RUNX2: variants seen among roughly 807,000 people sequenced by gnomAD.
RUNX2 encodes runt-related transcription factor 2.
Under a neutral mutation model 51.7 loss-of-function variants are expected in RUNX2, and 10 were observed. The ratio of observed to expected loss-of-function variants is 0.19; its 90% confidence interval spans 0.12 to 0.33. The LOEUF (loss-of-function observed/expected upper bound fraction) is 0.33. RUNX2 is among the 10% of genes least tolerant of loss of function. The pLI, the probability that RUNX2 is intolerant of heterozygous loss-of-function variation, is 1.00. For missense variants in RUNX2, 562 were observed against 691.3 expected (o/e 0.81, Z 2.10); for synonymous variants, 276 against 273.6 (o/e 1.01, Z -0.09).
intron 2 of RUNX2, among the ~76,000 whole-genome samples, chr6:45,375,976 G>A (rs1003554506): frequency 2.0e-5 from 3 of 152,012 alleles, no homozygotes; most frequent in African/African-American, 4.8e-5. Context: ...TTTTCAAATC[G>A]CTTTATTACA....
At chr6:45,545,875 T>C (rs1802384337) in intron 8 of RUNX2, among the ~76,000 whole-genome samples, 1 of 152,188 alleles carries the variant, frequency 6.6e-6, no homozygotes, top group South Asian at 2.1e-4. Context: ...CAGAAACATC[T>C]ATTAAGGAGG....
chr6:45,440,042 C>T (rs1011787395), intron 5 of RUNX2, among the ~76,000 whole-genome samples: 2 of 152,114 alleles, frequency 1.3e-5, no homozygotes, highest in African/African-American at 2.4e-5. Context: ...CCAGGGTGGG[C>T]GGTGGAAGCA....
chr6:45,546,600 C>A (rs967109176), intron 8 of RUNX2, among the ~76,000 whole-genome samples: 1 of 152,010 alleles, frequency 6.6e-6, no homozygotes, highest in African/African-American at 2.4e-5. Flanking sequence ...TTTTTAAAGC[C>A]CTCTGGGATT....
chr6:45,485,280 G>A (rs1405336166), intron 5 of RUNX2, among the ~76,000 whole-genome samples: 1 of 148,996 alleles, frequency 6.7e-6, no homozygotes, highest in Admixed American at 6.8e-5. Context: ...TCAGCTCACC[G>A]CAACCTCTGC....
intron 2 of RUNX2, among the ~76,000 whole-genome samples, chr6:45,402,902 A>G (rs757970260): frequency 6.6e-6 from 1 of 152,174 alleles, no homozygotes. Flanking sequence ...TCCCGCAAAC[A>G]AACACACTGA....
rs537531585 is a variant in RUNX2 at position 45,546,683 on chromosome 6, T to A, written c.1088-144T>A. On this transcript the variant is annotated intron_variant, in intron 8 of 8. Transcript: ENST00000647337. ...TGGGGGAAAAAGACTGTAAAGTGAC[T>A]GGTGCATTTGAAGGTCTGTCTGTGG... 7.1e-6 allele frequency: 5 copies of A among 705,116 alleles called. No individual in the cohort carries two copies. The African/African-American group carries it at 8.9e-5, about 13-fold the overall frequency. The allele number at this position is 705,116 out of a possible 1,614,324, so 43.7% of individuals were successfully genotyped here.
chr6:45,330,722 T>TC (rs1787304505), intron 2 of RUNX2, among the ~76,000 whole-genome samples: 1 of 151,832 alleles, frequency 6.6e-6, no homozygotes, highest in African/African-American at 2.4e-5. Context: ...AGTGAACCTT[T>TC]TTTTTTTCCA....
At chr6:45,422,282 C>G in intron 2 of RUNX2, 1 of 360,154 alleles carries the variant, frequency 2.8e-6, no homozygotes. Flanking sequence ...GCCAAACACA[C>G]CCCCGCGCCC....
At chr6:45,356,438 C>T (rs1793201838) in intron 2 of RUNX2, among the ~76,000 whole-genome samples, 1 of 151,918 alleles carries the variant, frequency 6.6e-6, no homozygotes, top group South Asian at 2.1e-4. Context: ...CACTCTGTCA[C>T]CCAGGCTGGA....
chr6:45,474,085 C>T (rs1234005998), intron 5 of RUNX2, among the ~76,000 whole-genome samples: 2 of 151,940 alleles, frequency 1.3e-5, no homozygotes, highest in Non-Finnish European at 2.9e-5. Flanking sequence ...CCTGAAAACA[C>T]ATCTTAAGGT....
At chr6:45,397,294 A>G (rs1215970493) in intron 2 of RUNX2, among the ~76,000 whole-genome samples, 1 of 151,612 alleles carries the variant, frequency 6.6e-6, no homozygotes, top group African/African-American at 2.4e-5. Context: ...TTTTTTTAGT[A>G]GAGATGGGGT....
intron 3 of RUNX2, among the ~76,000 whole-genome samples, chr6:45,423,925 G>A (rs1328847095): frequency 6.6e-6 from 1 of 152,226 alleles, no homozygotes; most frequent in Non-Finnish European, 1.5e-5. Context: ...GAGGGATGAG[G>A]GAAACCTGTG....
intron 2 of RUNX2, among the ~76,000 whole-genome samples, chr6:45,360,670 T>C (rs77933458): frequency 0.029 from 4,477 of 152,260 alleles, 92 homozygotes; most frequent in Non-Finnish European, 0.047. Flanking sequence ...AATGAATAAA[T>C]GGTCATTGCT....
intron 5 of RUNX2, among the ~76,000 whole-genome samples, chr6:45,444,518 G>A (rs1021605089): frequency 4.6e-5 from 7 of 152,232 alleles, no homozygotes; most frequent in African/African-American, 9.6e-5. Context: ...GCTTAGGTTA[G>A]TGAGAGGTTA....
intron 7 of RUNX2, among the ~76,000 whole-genome samples, chr6:45,528,850 G>A (rs748353273): frequency 6.6e-5 from 10 of 152,246 alleles, no homozygotes; most frequent in Non-Finnish European, 1.2e-4. Context: ...TCCCTGTGGA[G>A]TCAGTACCCA....
At chr6:45,519,824 G>GAGATGGAGT (rs1801447188) in intron 7 of RUNX2, among the ~76,000 whole-genome samples, 1 of 135,958 alleles carries the variant, frequency 7.4e-6, no homozygotes, top group African/African-American at 2.6e-5. Context: ...GTGTGTGTGT[G>GAGATGGAGT]TGTGTGTGTG....
intron 6 of RUNX2, among the ~76,000 whole-genome samples, chr6:45,503,953 ATTGT>A (rs1800876585): frequency 6.6e-6 from 1 of 151,738 alleles, no homozygotes; most frequent in Admixed American, 6.6e-5. Context: ...CTCTTCTCCC[ATTGT>A]TTGTGTTGTA....
intron 2 of RUNX2, among the ~76,000 whole-genome samples, chr6:45,373,873 G>C (rs1384377137): frequency 6.6e-6 from 1 of 152,174 alleles, no homozygotes. Context: ...AATATTATTT[G>C]TAAAAGAGAA....
chr6:45,365,291 G>T lies in RUNX2; in HGVS notation c.58+36507G>T, dbSNP rs146820226. On this transcript the variant is annotated intron_variant, in intron 2 of 8. Coordinates refer to ENST00000647337, the MANE Select transcript of RUNX2 (RefSeq NM_001024630.4). Reference sequence around the variant, plus strand: ...TGCAGTAGACATTGGACTAGCTGCCGTATTATTCATCTAAATAAAAAGGAG... The same window carrying T: ...TGCAGTAGACATTGGACTAGCTGCCTTATTATTCATCTAAATAAAAAGGAG... 7 of 1,605,524 alleles carry T rather than the reference G, an allele frequency of 4.4e-6. No individual in the cohort carries two copies. The Admixed American group carries it at 5.0e-5, about 12-fold the overall frequency.
Sources: gnomAD v4.1 joint callset for allele counts (sites outside exome capture counted in the v4.1 genomes callset) on GRCh38, gnomAD v4.1.1 for gene constraint, MANE v1.5 for transcripts, NCBI Gene and HGNC (gene_info 2026-07-23, HGNC 2026-07-21) for gene names.